Variants in USH2A observed in about 807,000 individuals in gnomAD.
USH2A encodes the protein Usher syndrome 2A (autosomal recessive, mild).
Under a neutral mutation model 538.9 loss-of-function variants are expected in USH2A, and 443 were observed. The ratio of observed to expected loss-of-function variants is 0.82; its 90% CI spans 0.76 to 0.89. The LOEUF is 0.89. Ranked by LOEUF, USH2A falls within the 40% of genes least tolerant of loss-of-function variation. The pLI is 0.00. For synonymous variants in USH2A, 2,413 were observed against 2,273.5 expected (o/e 1.06, Z -1.75); for missense variants, 6,633 against 6,324.8 (o/e 1.05, Z -1.65).
intron 44 of USH2A, among the ~76,000 whole-genome samples, chr1:215,855,712 G>A (rs972962594): frequency 6.6e-6 from 1 of 151,828 alleles, no homozygotes; most frequent in Admixed American, 6.6e-5. Flanking sequence ...AATCAAAAAA[G>A]AACTCACATA....
intron 58 of USH2A, among the ~76,000 whole-genome samples, chr1:215,757,002 G>T (rs896890876): frequency 6.6e-6 from 1 of 151,986 alleles, no homozygotes; most frequent in East Asian, 1.9e-4. Context: ...TGTAAAGGGG[G>T]CTGTAAATTT....
chr1:216,143,451 A>G (rs2033638977), intron 21 of USH2A, among the ~76,000 whole-genome samples: 1 of 152,206 alleles, frequency 6.6e-6, no homozygotes, highest in African/African-American at 2.4e-5. Flanking sequence ...ATCAATGAAC[A>G]TTATTTGTAC....
At chr1:216,095,899 G>A (rs1009381613) in intron 22 of USH2A, among the ~76,000 whole-genome samples, 3 of 152,180 alleles carry the variant, frequency 2.0e-5, no homozygotes, top group Non-Finnish European at 4.4e-5. Flanking sequence ...GAGGGTGAAC[G>A]TTGTGTCTGC....
intron 44 of USH2A, among the ~76,000 whole-genome samples, chr1:215,866,361 CTG>C (rs536408498): frequency 6.6e-6 from 1 of 152,170 alleles, no homozygotes; most frequent in South Asian, 2.1e-4. Context: ...TTAGATTACT[CTG>C]TGAACTCTTC....
chr1:215,759,757 C>T lies in USH2A; in HGVS notation c.11134G>A (p.Val3712Ile), dbSNP rs201951918. ...TTACGACTCAATTGATATTGAGAAACGAGGCCATTGGGCTTTTCTGGCAGA... is the reference window on the plus strand; with the variant it reads ...TTACGACTCAATTGATATTGAGAAATGAGGCCATTGGGCTTTTCTGGCAGA... ...WSLPEKPNGL[V>I]SQYQLSRNGN... Residue 3712 changes from valine (V) to isoleucine (I), a missense_variant, in exon 57 of 72, where the codon GTT becomes ATT. Physicochemically the swap from Val to Ile is conservative, Grantham distance 29. Coordinates refer to ENST00000307340, the MANE Select transcript of USH2A (RefSeq NM_206933.4). The T allele has an allele frequency of 1.8e-5, 29 of 1,614,030 alleles. No individual in the cohort carries two copies. In the East Asian group the frequency reaches 3.8e-4, roughly 21 times the overall value.
intron 58 of USH2A, among the ~76,000 whole-genome samples, chr1:215,750,390 T>A (rs530417994): frequency 6.6e-6 from 1 of 152,154 alleles, no homozygotes; most frequent in South Asian, 2.1e-4. Context: ...TTTGTAACTT[T>A]TAGGGTGTCC....
chr1:215,967,767 A>G (rs953578628), intron 36 of USH2A, among the ~76,000 whole-genome samples: 1 of 151,656 alleles, frequency 6.6e-6, no homozygotes, highest in African/African-American at 2.4e-5. Flanking sequence ...AAAATGTGAA[A>G]GGGTGAATGT....
intron 47 of USH2A, among the ~76,000 whole-genome samples, chr1:215,818,069 TTATGG>T (rs995113230): frequency 6.6e-6 from 1 of 152,010 alleles, no homozygotes; most frequent in Non-Finnish European, 1.5e-5. Context: ...TTTAGCTTAC[TTATGG>T]TAAGAATATA....
intron 3 of USH2A, among the ~76,000 whole-genome samples, chr1:216,373,651 T>C (rs12724312): frequency 0.063 from 9,526 of 152,226 alleles, 486 homozygotes; most frequent in East Asian, 0.27. Context: ...ATCAAAGTTA[T>C]TCGTATATCA....
At chr1:215,712,789 C>A (rs1423113701) in intron 61 of USH2A, among the ~76,000 whole-genome samples, 4 of 151,860 alleles carry the variant, frequency 2.6e-5, no homozygotes, top group Non-Finnish European at 5.9e-5. Context: ...TTCCTTCCTT[C>A]CTGTCTTTCT....
chr1:216,215,726 T>C (rs1015030549), intron 15 of USH2A, among the ~76,000 whole-genome samples: 1 of 152,138 alleles, frequency 6.6e-6, no homozygotes, highest in East Asian at 1.9e-4. Context: ...CAGTATGATA[T>C]ATCATAATTT....
chr1:216,248,891 C>G (rs1462828792), intron 12 of USH2A, among the ~76,000 whole-genome samples: 2 of 151,884 alleles, frequency 1.3e-5, no homozygotes, highest in Admixed American at 1.3e-4. Context: ...AGTTAGCACA[C>G]TTGGCATTTA....
Position 216,246,885 on chromosome 1 carries a change from G to T in USH2A, c.2509C>A (p.Arg837=). ...AGACAGAGGAAAGAATTATTTTGCC[G>T]TAGGTAGAAGTTTCCCTCCAAACAT... ...NKCLEGNFYL[R]QNNSFLCLPC... is the part of the protein sequence containing the mutation. Residue 837 remains arginine, a synonymous_variant, in exon 13 of 72, where the codon CGG becomes AGG. Coordinates refer to ENST00000307340, the MANE Select transcript of USH2A (RefSeq NM_206933.4). The T allele has an allele frequency of 6.2e-7, 1 of 1,614,128 alleles. No individual in the cohort carries two copies. The highest frequency in any genetic ancestry group is 8.5e-7 in the Non-Finnish European group (1 of 1,179,972).
At chr1:216,007,925 T>C (rs1668445866) in intron 32 of USH2A, among the ~76,000 whole-genome samples, 1 of 152,220 alleles carries the variant, frequency 6.6e-6, no homozygotes, top group Non-Finnish European at 1.5e-5. Context: ...TACACAGAGA[T>C]AGAGACATAC....
At chr1:216,295,858 T>G (rs2037094333) in intron 9 of USH2A, among the ~76,000 whole-genome samples, 1 of 152,004 alleles carries the variant, frequency 6.6e-6, no homozygotes. Context: ...ATTCTATTGT[T>G]CTATTTTAAT....
chr1:216,341,651 T>C (rs1351663688), intron 4 of USH2A, among the ~76,000 whole-genome samples: 4 of 152,108 alleles, frequency 2.6e-5, no homozygotes, highest in Non-Finnish European at 4.4e-5. Flanking sequence ...AACAGACATA[T>C]AGACCAATGG....
intron 3 of USH2A, among the ~76,000 whole-genome samples, chr1:216,414,732 A>T (rs1274761892): frequency 2.0e-5 from 3 of 152,034 alleles, no homozygotes; most frequent in Non-Finnish European, 4.4e-5. Flanking sequence ...TTTCACATGC[A>T]CAGAAACACA....
intron 67 of USH2A, among the ~76,000 whole-genome samples, chr1:215,646,262 T>C (rs1656848967): frequency 6.6e-6 from 1 of 152,102 alleles, no homozygotes; most frequent in Non-Finnish European, 1.5e-5. Context: ...TGCTGTACTG[T>C]TACTGTCTTG....
At chr1:215,988,530 G>A (rs1299173305) in intron 35 of USH2A, among the ~76,000 whole-genome samples, 1 of 152,108 alleles carries the variant, frequency 6.6e-6, no homozygotes, top group Non-Finnish European at 1.5e-5. Flanking sequence ...CAAGAAGTGG[G>A]ATTGCTACAT....
Sources: allele counts gnomAD v4.1 joint callset (sites outside exome capture counted in the v4.1 genomes callset), GRCh38; gene constraint gnomAD v4.1.1; transcripts MANE v1.5; gene names NCBI Gene and HGNC (gene_info 2026-07-23, HGNC 2026-07-21).